Variants in CSRNP3 observed in about 807,000 individuals in gnomAD.
The protein encoded by CSRNP3 is cysteine/serine-rich nuclear protein 3.
In CSRNP3, 12 loss-of-function variants were observed where a neutral mutation model predicts 48.0. The observed-to-expected ratio is 0.25, with a 90% CI of 0.16 to 0.41. CSRNP3 has a LOEUF of 0.41. Among genes scored for constraint, CSRNP3 ranks in the 10% least tolerant of loss-of-function variants. The probability of loss-of-function intolerance (pLI) is 1.00; values close to 1 mark genes in which losing one functional copy is unlikely to be tolerated. For synonymous variants in CSRNP3, 263 were observed against 269.7 expected, an observed-to-expected ratio of 0.98 and a Z score of 0.24; for missense variants, 580 against 724.4, an observed-to-expected ratio of 0.80 and a Z score of 2.29.
chr2:165,649,445 C>T (rs1352343892), intron 4 of CSRNP3, among the ~76,000 whole-genome samples: 1 of 152,204 alleles, frequency 6.6e-6, no homozygotes, highest in Non-Finnish European at 1.5e-5. Flanking sequence ...TAGTTCTCCT[C>T]TACCAAAGGA....
At chr2:165,593,400 G>A (rs1251815848) in intron 3 of CSRNP3, among the ~76,000 whole-genome samples, 1 of 152,182 alleles carries the variant, frequency 6.6e-6, no homozygotes, top group Non-Finnish European at 1.5e-5. Context: ...AAAGTAAAGA[G>A]TGCTGGGCCC....
rs138741281 is a variant in CSRNP3, at chr2:165,663,019, C to T, written c.408+4999C>T. On this transcript the variant is annotated intron_variant, in intron 5 of 6. Coordinates refer to ENST00000651982, the MANE Select transcript of CSRNP3 (RefSeq NM_001172173.2). Reference sequence around the variant, plus strand: ...AAAACTCTACATAAATTTTTTTCATCCCAAATCTCAGATTTATGACTGCTT... The same window carrying T: ...AAAACTCTACATAAATTTTTTTCATTCCAAATCTCAGATTTATGACTGCTT... 6.2e-4 allele frequency among the ~76,000 whole-genome samples: 94 copies of T among 152,184 alleles called. No individual in the cohort carries two copies. In the East Asian group the frequency reaches 7.1e-3, roughly 12 times the overall value.
At chr2:165,587,034 T>C in intron 3 of CSRNP3, among the ~76,000 whole-genome samples, 1 of 152,118 alleles carries the variant, frequency 6.6e-6, no homozygotes, top group East Asian at 1.9e-4. Flanking sequence ...GAAAATCTAG[T>C]GTTGTTTCTT....
At chr2:165,672,323 A>G (rs1324575087) in intron 5 of CSRNP3, among the ~76,000 whole-genome samples, 1 of 152,198 alleles carries the variant, frequency 6.6e-6, no homozygotes, top group Non-Finnish European at 1.5e-5. Flanking sequence ...GTAATTTATA[A>G]AGAAAAAGAG....
chr2:165,619,542 G>C lies in CSRNP3; in HGVS notation c.148+24329G>C, dbSNP rs1406073017. On this transcript the variant is annotated intron_variant, in intron 4 of 6. Transcript: ENST00000651982. Reference sequence around the variant, plus strand: ...GTCAAGAAAGTGGCAGAAATCTCTAGAGAGAATATGTCATTTACAAAATCA... The same window carrying C: ...GTCAAGAAAGTGGCAGAAATCTCTACAGAGAATATGTCATTTACAAAATCA... 3.9e-5 allele frequency among the ~76,000 whole-genome samples: 6 copies of C among 151,954 alleles called. No homozygotes were observed. The East Asian group carries it at 7.7e-4, about 20-fold the overall frequency.
At chr2:165,598,631 T>C (rs563347191) in intron 4 of CSRNP3, among the ~76,000 whole-genome samples, 2 of 152,140 alleles carry the variant, frequency 1.3e-5, no homozygotes, top group Non-Finnish European at 2.9e-5. Flanking sequence ...CCGAGATTAT[T>C]TTTTTCATTG....
chr2:165,525,376 T>G (rs546814765), intron 3 of CSRNP3, among the ~76,000 whole-genome samples: 1 of 152,282 alleles, frequency 6.6e-6, no homozygotes, highest in South Asian at 2.1e-4. Flanking sequence ...CTTTTTTGTT[T>G]TCTTGACCAC....
intron 3 of CSRNP3, among the ~76,000 whole-genome samples, chr2:165,588,717 G>A (rs1685669847): frequency 6.6e-6 from 1 of 152,152 alleles, no homozygotes; most frequent in Admixed American, 6.5e-5. Context: ...CACTCTGGGG[G>A]GTCGAGGTGA....
intron 3 of CSRNP3, among the ~76,000 whole-genome samples, chr2:165,534,822 A>C (rs1338655415): frequency 6.6e-6 from 1 of 151,910 alleles, no homozygotes; most frequent in East Asian, 1.9e-4. Flanking sequence ...AATAATATTT[A>C]TCAAACTGAT....
chr2:165,620,628 C>G (rs76325862), intron 4 of CSRNP3, among the ~76,000 whole-genome samples: 2 of 152,108 alleles, frequency 1.3e-5, no homozygotes, highest in African/African-American at 4.8e-5. Context: ...ATCAACAGTA[C>G]AAAAATGTTC....
intron 2 of CSRNP3, among the ~76,000 whole-genome samples, chr2:165,495,842 T>G (rs1019274212): frequency 6.6e-6 from 1 of 152,038 alleles, no homozygotes; most frequent in Non-Finnish European, 1.5e-5. Context: ...CACAATAGTT[T>G]TTTTCTAGCA....
chr2:165,681,760 TACACACAC>T lies in CSRNP3; in HGVS notation c.*2017_*2024del, dbSNP rs371184548. On this transcript the variant is annotated 3_prime_UTR_variant, in exon 7 of 7. Transcript: ENST00000651982. The stretch of plus-strand genomic sequence containing the variant: ...ATATATATATATATATATATATATA[TACACACAC>T]ACACACACATACACATATATATACA... 10 of 44,724 alleles carry T rather than the reference TACACACAC, an allele frequency of 2.2e-4. 1 individual carries two copies. Among genetic ancestry groups the T allele is most frequent in the African/African-American group, 4.9e-4 (8 of 16,430 alleles). 2.8% of individuals were successfully genotyped at this position (44,724 alleles called of 1,614,324 possible).
rs1235992560 is a variant in CSRNP3, at chr2:165,688,187, A to C, written c.*8434A>C. ...GTGAAACATGTTTCAAAAGTGTTTG[A>C]TGTATAATAAATGCTAGAAATTTAC... is the stretch of plus-strand genomic sequence containing the variant. On this transcript the variant is annotated 3_prime_UTR_variant, in exon 7 of 7. Transcript: ENST00000651982. 1.3e-5 allele frequency: 2 copies of C among 152,124 alleles called. No individual in the cohort carries two copies. Among genetic ancestry groups the C allele is most frequent in the African/African-American group, 4.8e-5 (2 of 41,446 alleles). The allele number at this position is 152,124 out of a possible 1,614,324, so 9.4% of individuals were successfully genotyped here. A position where few individuals can be genotyped will look rare whatever the true frequency, so the allele number is the denominator to read the frequency against.
chr2:165,617,556 C>T (rs185452408), intron 4 of CSRNP3, among the ~76,000 whole-genome samples: 14 of 152,298 alleles, frequency 9.2e-5, no homozygotes, highest in Non-Finnish European at 1.8e-4. Flanking sequence ...CATGTGTGGA[C>T]ACTGGCTGTG....
At chr2:165,574,298 G>A in intron 3 of CSRNP3, 1 of 1,326,046 alleles carries the variant, frequency 7.5e-7, no homozygotes. Context: ...GTGGAAAGCT[G>A]GATCAGTTGC....
chr2:165,665,130 T>C (rs550690642), intron 5 of CSRNP3, among the ~76,000 whole-genome samples: 1 of 152,286 alleles, frequency 6.6e-6, no homozygotes, highest in East Asian at 1.9e-4. Context: ...GGGCCAAGTT[T>C]AGGATATCCT....
chr2:165,522,374 ACT>A (rs1427204849), intron 3 of CSRNP3, among the ~76,000 whole-genome samples: 1 of 151,286 alleles, frequency 6.6e-6, no homozygotes, highest in Non-Finnish European at 1.5e-5. Context: ...CTAAAGTGAA[ACT>A]CACCTCTATT....
intron 6 of CSRNP3, 119 bp from the exon 7 acceptor site, chr2:165,678,582 C>T: frequency 8.2e-7 from 1 of 1,216,528 alleles, no homozygotes; most frequent in Admixed American, 2.6e-5. Context: ...GTCATTTGCT[C>T]TGGCATATGT....
intron 2 of CSRNP3, among the ~76,000 whole-genome samples, chr2:165,509,997 T>A (rs1047018880): frequency 1.3e-5 from 2 of 152,292 alleles, no homozygotes; most frequent in Middle Eastern, 3.4e-3. Flanking sequence ...TTCTAATGAT[T>A]AGACTTCGGG....
Sources: allele counts gnomAD v4.1 joint callset (sites outside exome capture counted in the v4.1 genomes callset), GRCh38; gene constraint gnomAD v4.1.1; transcripts MANE v1.5; gene names NCBI Gene and HGNC (gene_info 2026-07-23, HGNC 2026-07-21).